Variants in ARL15 observed in about 807,000 individuals in gnomAD.
ARL15 encodes the protein ADP-ribosylation factor-like protein 15.
A neutral mutation model predicts 25.2 loss-of-function variants in ARL15; 19 were observed. The ratio of observed to expected loss-of-function variants is 0.75; its 90% CI spans 0.53 to 1.10. The LOEUF (loss-of-function observed/expected upper bound fraction) is 1.10. ARL15 is among the 50% of genes least tolerant of loss of function. ARL15 has a pLI of 0.00. For synonymous variants in ARL15, 94 were observed against 86.8 expected, an observed-to-expected ratio of 1.08 and a Z score of -0.46; for missense variants, 220 against 246.0, an observed-to-expected ratio of 0.89 and a Z score of 0.71.
chr5:53,983,062 G>A (rs1292734722), intron 4 of ARL15, among the ~76,000 whole-genome samples: 1 of 152,034 alleles, frequency 6.6e-6, no homozygotes, highest in Non-Finnish European at 1.5e-5. Context: ...GCACCCAGCG[G>A]TTTTTTCTTA....
intron 4 of ARL15, among the ~76,000 whole-genome samples, chr5:53,923,447 G>T (rs1040861388): frequency 1.3e-5 from 2 of 152,132 alleles, no homozygotes; most frequent in Non-Finnish European, 2.9e-5. Flanking sequence ...TTGAGTTCTA[G>T]AGATGAATTA....
intron 3 of ARL15, among the ~76,000 whole-genome samples, chr5:54,124,371 A>T (rs1004414237): frequency 6.6e-5 from 10 of 152,178 alleles, no homozygotes; most frequent in African/African-American, 2.4e-4. Flanking sequence ...TCCATTTTTT[A>T]AAAATTTGTT....
At chr5:53,967,158 T>G (rs1436124280) in intron 4 of ARL15, among the ~76,000 whole-genome samples, 2 of 152,122 alleles carry the variant, frequency 1.3e-5, no homozygotes, top group Non-Finnish European at 2.9e-5. Flanking sequence ...TAGTTAAGAG[T>G]CAGTGTTCAG....
At chr5:53,968,203 C>G (rs1325666348) in intron 4 of ARL15, among the ~76,000 whole-genome samples, 1 of 152,130 alleles carries the variant, frequency 6.6e-6, no homozygotes, top group Non-Finnish European at 1.5e-5. Flanking sequence ...TGATACTCTA[C>G]AAAACTGGTT....
chr5:54,022,699 C>G (rs1191423682), intron 4 of ARL15, among the ~76,000 whole-genome samples: 1 of 152,220 alleles, frequency 6.6e-6, no homozygotes, highest in East Asian at 1.9e-4. Context: ...TAAGCTTCCA[C>G]CATCAGGCCC....
At chr5:54,207,103 C>T (rs1258472920) in intron 1 of ARL15, among the ~76,000 whole-genome samples, 1 of 152,190 alleles carries the variant, frequency 6.6e-6, no homozygotes, top group African/African-American at 2.4e-5. Flanking sequence ...TCTTGCTTTT[C>T]CTGAAGGGTT....
intron 4 of ARL15, among the ~76,000 whole-genome samples, chr5:54,061,381 G>A (rs1436067568): frequency 6.6e-6 from 1 of 152,094 alleles, no homozygotes; most frequent in African/African-American, 2.4e-5. Context: ...AAGCTGAGGT[G>A]GGTGGATCAC....
At chr5:54,090,376 T>C (rs1443935598) in intron 4 of ARL15, among the ~76,000 whole-genome samples, 2 of 151,940 alleles carry the variant, frequency 1.3e-5, no homozygotes, top group African/African-American at 2.4e-5. Context: ...AAGATGGCTA[T>C]TACATATATT....
chr5:54,116,221 G>A lies in ARL15; in HGVS notation c.254-2811C>T, dbSNP rs78549995. 2.8e-3 allele frequency among the ~76,000 whole-genome samples: 422 copies of A among 152,270 alleles called. 4 individuals are homozygous for A. The highest frequency in any genetic ancestry group is 9.5e-3 in the African/African-American group (396 of 41,558). On this transcript the variant is annotated intron_variant, in intron 3 of 4. Coordinates refer to ENST00000504924, the MANE Select transcript of ARL15 (RefSeq NM_019087.3). ...AACATATTTGGTTGGGGCAATTACT[G>A]TCAGCCAAGGGCAGGCCTCTGGAGA... is the stretch of plus-strand genomic sequence containing the variant.
intron 4 of ARL15, among the ~76,000 whole-genome samples, chr5:54,063,926 CA>C (rs1751139927): frequency 6.6e-6 from 1 of 152,148 alleles, no homozygotes; most frequent in African/African-American, 2.4e-5. Context: ...TTCTGAGCTG[CA>C]GCATTCCCAC....
At chr5:54,241,706 CA>C (rs1756962336) in intron 1 of ARL15, among the ~76,000 whole-genome samples, 1 of 152,028 alleles carries the variant, frequency 6.6e-6, no homozygotes, top group Non-Finnish European at 1.5e-5. Flanking sequence ...ATATAATAGG[CA>C]TGTGTAGACA....
intron 4 of ARL15, among the ~76,000 whole-genome samples, chr5:53,919,114 T>C (rs1745760199): frequency 6.6e-6 from 1 of 152,194 alleles, no homozygotes; most frequent in African/African-American, 2.4e-5. Context: ...TCAAGGCTTT[T>C]GTTATAGATC....
At chr5:54,206,213 T>A (rs779779150) in intron 1 of ARL15, among the ~76,000 whole-genome samples, 1 of 152,268 alleles carries the variant, frequency 6.6e-6, no homozygotes, top group East Asian at 1.9e-4. Flanking sequence ...TCAAATACCA[T>A]AATTAGGACT....
At chr5:54,180,037 A>G (rs1265398957) in intron 1 of ARL15, among the ~76,000 whole-genome samples, 1 of 145,776 alleles carries the variant, frequency 6.9e-6, no homozygotes, top group Non-Finnish European at 1.5e-5. Flanking sequence ...AAAAAAAAAA[A>G]GAGAAGCCCA....
At chr5:54,253,082 T>G (rs1203894629) in intron 1 of ARL15, among the ~76,000 whole-genome samples, 1 of 152,014 alleles carries the variant, frequency 6.6e-6, no homozygotes, top group African/African-American at 2.4e-5. Context: ...ACAATTACAA[T>G]CATTGTTCAC....
chr5:53,922,981 T>G (rs1213977693), intron 4 of ARL15, among the ~76,000 whole-genome samples: 2 of 152,194 alleles, frequency 1.3e-5, no homozygotes, highest in Non-Finnish European at 2.9e-5. Context: ...TCTGAGAAAC[T>G]TATACAGAAA....
At chr5:54,029,322 ACCACCACCACTACCACCACCAC>A (rs1561194985) in intron 4 of ARL15, among the ~76,000 whole-genome samples, 20 of 118,282 alleles carry the variant, frequency 1.7e-4, no homozygotes, top group South Asian at 2.8e-4. Flanking sequence ...CACCACCACC[ACCACCACCACTACCACCACCAC>A]CACCACCACC....
At chr5:54,256,628 A>G (rs1308970033) in intron 1 of ARL15, among the ~76,000 whole-genome samples, 2 of 149,236 alleles carry the variant, frequency 1.3e-5, no homozygotes, top group African/African-American at 2.5e-5. Flanking sequence ...AAAAAAAAAG[A>G]AAAAGAAAGA....
At chr5:54,145,474 T>C (rs1753876342) in intron 3 of ARL15, among the ~76,000 whole-genome samples, 1 of 152,240 alleles carries the variant, frequency 6.6e-6, no homozygotes, top group Non-Finnish European at 1.5e-5. Flanking sequence ...TATAAGCATA[T>C]TACCTCTTCA....
Sources: gnomAD v4.1 joint callset for allele counts (sites outside exome capture counted in the v4.1 genomes callset) on GRCh38, gnomAD v4.1.1 for gene constraint, MANE v1.5 for transcripts, NCBI Gene and HGNC (gene_info 2026-07-23, HGNC 2026-07-21) for gene names.